TLK1: variants seen among roughly 807,000 people sequenced by gnomAD.
TLK1 encodes the protein serine/threonine-protein kinase tousled-like 1.
TLK1 carries 24 observed loss-of-function variants against 105.3 expected under a neutral mutation model. The observed-to-expected ratio is 0.23, with a 90% CI of 0.17 to 0.32. The LOEUF (loss-of-function observed/expected upper bound fraction) is 0.32. TLK1 is among the 10% of genes least tolerant of loss of function. TLK1 has a pLI of 1.00. For missense variants in TLK1, 558 were observed against 910.5 expected (o/e 0.61, Z 4.98); for synonymous variants, 321 against 310.4 (o/e 1.03, Z -0.36).
chr2:171,007,101 C>T lies in TLK1; in HGVS notation c.1417-38G>A, dbSNP rs376697913. ...GTCAAAAACAATTAAGATGAAAGACCAATTGAATAGCTGAAGAGATGTTTT... is the reference window on the plus strand; with the variant it reads ...GTCAAAAACAATTAAGATGAAAGACTAATTGAATAGCTGAAGAGATGTTTT... On this transcript the variant is annotated intron_variant, in intron 14 of 20. Transcript: ENST00000431350. 2.0e-6 allele frequency: 3 copies of T among 1,516,244 alleles called. No individual in the cohort carries two copies. The African/African-American group carries it at 4.2e-5, about 21-fold the overall frequency. The allele number at this position is 1,516,244 out of a possible 1,614,324, so 93.9% of individuals were successfully genotyped here. A position where few individuals can be genotyped will look rare whatever the true frequency, so the allele number is the denominator to read the frequency against.
At chr2:171,134,829 G>A (rs1384114465) in intron 1 of TLK1, among the ~76,000 whole-genome samples, 2 of 150,268 alleles carry the variant, frequency 1.3e-5, no homozygotes, top group East Asian at 3.9e-4. Flanking sequence ...GCTTGAGGTG[G>A]AGCTCAAGCA....
At chr2:171,055,026 AAGTT>A (rs991166416) in intron 7 of TLK1, 53 bp downstream of exon 7, 17 of 972,436 alleles carry the variant, frequency 1.7e-5, no homozygotes, top group African/African-American at 1.5e-4. Context: ...AGTTGTTAGT[AAGTT>A]AGTCAATGGT....
At position 171,027,135 on chromosome 2, in the gene TLK1, G is replaced by C. The variant is rs187019094; in HGVS notation, c.1236+1204C>G. 2.0e-5 allele frequency among the ~76,000 whole-genome samples: 3 copies of C among 152,124 alleles called. No individual in the cohort carries two copies. The East Asian group carries it at 5.8e-4, about 29-fold the overall frequency. The stretch of plus-strand genomic sequence containing the variant: ...TTAATAACATTTCCAAAACAAATTA[G>C]TATGCAGTGTAATAGTAGCTGCTAC... On this transcript the variant is annotated intron_variant, in intron 12 of 20. Transcript: ENST00000431350.
chr2:171,046,025 T>A, intron 11 of TLK1, 149 bp downstream of exon 11: 1 of 613,594 alleles, frequency 1.6e-6, no homozygotes, highest in Non-Finnish European at 2.6e-6. Flanking sequence ...TTGGGGCTAT[T>A]AATTTAGAGC....
At chr2:171,060,179 A>G (rs1687686033) in intron 4 of TLK1, among the ~76,000 whole-genome samples, 1 of 152,164 alleles carries the variant, frequency 6.6e-6, no homozygotes, top group South Asian at 2.1e-4. Context: ...ACCACAAAGG[A>G]AAAAAACATG....
intron 1 of TLK1, among the ~76,000 whole-genome samples, chr2:171,195,600 T>C (rs953497016): frequency 2.0e-5 from 3 of 152,178 alleles, no homozygotes; most frequent in African/African-American, 7.2e-5. Context: ...TGTCCTTGTC[T>C]TTTGTTCCTG....
upstream of TLK1, among the ~76,000 whole-genome samples, chr2:171,163,554 C>T (rs934788856): frequency 6.6e-6 from 1 of 152,106 alleles, no homozygotes; most frequent in Non-Finnish European, 1.5e-5. Context: ...TCCTCATCTA[C>T]GAGAAAGAGG....
At chr2:171,111,630 G>T (rs1004312806) in intron 2 of TLK1, among the ~76,000 whole-genome samples, 1 of 149,810 alleles carries the variant, frequency 6.7e-6, no homozygotes, top group African/African-American at 2.4e-5. Flanking sequence ...CTCCAGGCCA[G>T]GCCAAGACAG....
At chr2:171,033,420 G>T (rs1258783833) in intron 11 of TLK1, among the ~76,000 whole-genome samples, 1 of 151,586 alleles carries the variant, frequency 6.6e-6, no homozygotes, top group African/African-American at 2.4e-5. Flanking sequence ...CTAGAGGCTG[G>T]GAAGGACAGT....
chr2:171,119,711 T>C (rs1181892926), intron 1 of TLK1, among the ~76,000 whole-genome samples: 4 of 152,258 alleles, frequency 2.6e-5, no homozygotes, highest in Middle Eastern at 3.4e-3. Context: ...ACCAACACCA[T>C]TTAGTGGAGA....
intron 1 of TLK1, among the ~76,000 whole-genome samples, chr2:171,120,735 G>A (rs1199279022): frequency 3.3e-5 from 5 of 152,092 alleles, no homozygotes; most frequent in East Asian, 1.9e-4. Context: ...ACAGTATAGC[G>A]GTTCCTCAAA....
rs975393492 is a variant in TLK1 at position 171,004,772 on chromosome 2, T to TA, written c.1904+1374dup. Among the ~76,000 whole-genome samples the TA allele has an allele frequency of 5.1e-3, 748 of 147,532 alleles. 5 individuals carry two copies. The highest frequency in any genetic ancestry group is 0.013 in the African/African-American group (523 of 40,556). On this transcript the variant is annotated intron_variant, in intron 18 of 20. Transcript: ENST00000431350. ...TTTTATTAGAATAAGATTTTGTTGTTAAAAAAAAAAATGAGCCTTGTTGCT... is the reference window on the plus strand; with the variant it reads ...TTTTATTAGAATAAGATTTTGTTGTTAAAAAAAAAAAATGAGCCTTGTTGCT...
intron 1 of TLK1, among the ~76,000 whole-genome samples, chr2:171,123,372 A>AT (rs35383458): frequency 4.6e-5 from 7 of 150,556 alleles, no homozygotes; most frequent in Non-Finnish European, 7.4e-5. Flanking sequence ...AATTTTTGTA[A>AT]TTTTTTTTTT....
chr2:171,087,429 TACTC>T (rs1689029968), intron 2 of TLK1, among the ~76,000 whole-genome samples: 1 of 152,056 alleles, frequency 6.6e-6, no homozygotes, highest in East Asian at 1.9e-4. Flanking sequence ...CAAGAGAAAT[TACTC>T]AAACTAAAGA....
Position 171,160,225 on chromosome 2 carries a change from GGGCGCGGGGGTCCGC to G in TLK1, c.139+50_139+64del. The G allele has an allele frequency of 3.1e-6, 4 of 1,286,278 alleles. No individual in the cohort carries two copies. In the South Asian group the frequency reaches 7.5e-5, roughly 24 times the overall value. 79.7% of individuals were successfully genotyped at this position (1,286,278 alleles called of 1,614,324 possible). On this transcript the variant is annotated intron_variant, in intron 1 of 20. Transcript: ENST00000431350. The surrounding 1 kb of genome is among the most constrained non-coding windows in gnomAD (Gnocchi z 4.4). Reference sequence around the variant, plus strand: ...CCCCGGGGCGGGGGGGGCGGGGGGGGGGCGCGGGGGTCCGCGGCGCGGGAGAGGAGGCCCGCGAGC... The same window carrying G: ...CCCCGGGGCGGGGGGGGCGGGGGGGGGGCGCGGGAGAGGAGGCCCGCGAGC...
intron 1 of TLK1, among the ~76,000 whole-genome samples, chr2:171,130,230 CCT>C (rs1691045152): frequency 1.3e-5 from 2 of 152,220 alleles, no homozygotes; most frequent in South Asian, 4.1e-4. Flanking sequence ...GGTGAAACCC[CCT>C]CTCTACTAGA....
At chr2:171,045,556 GA>G (rs1325291480) in intron 11 of TLK1, 1 of 152,056 alleles carries the variant, frequency 6.6e-6, no homozygotes, top group Non-Finnish European at 1.5e-5. Flanking sequence ...AGTTCTTCTA[GA>G]ACAGAAAATT....
chr2:171,090,411 T>C (rs985589638), intron 2 of TLK1, among the ~76,000 whole-genome samples: 3 of 151,838 alleles, frequency 2.0e-5, no homozygotes, highest in Non-Finnish European at 4.4e-5. Context: ...ATCATAATCA[T>C]GTTATGGGGA....
chr2:170,996,809 AAC>A, intron 19 of TLK1, 49 bp from the exon 20 acceptor site: 2 of 1,477,932 alleles, frequency 1.4e-6, no homozygotes, highest in Non-Finnish European at 9.3e-7. Context: ...AAAATATTTA[AAC>A]ACAGATATCA....
Sources: allele counts gnomAD v4.1 joint callset (sites outside exome capture counted in the v4.1 genomes callset), GRCh38; gene constraint gnomAD v4.1.1; non-coding constraint Gnocchi (gnomAD v3.1); transcripts MANE v1.5; gene names NCBI Gene and HGNC (gene_info 2026-07-23, HGNC 2026-07-21).